CNTN4: variants seen among roughly 807,000 people sequenced by gnomAD.
CNTN4 encodes contactin 4.
CNTN4 carries 77 observed loss-of-function variants against 122.5 expected under a neutral mutation model. That is an observed-to-expected ratio of 0.63 (90% CI 0.52 to 0.76). The LOEUF is 0.76. Ranked by LOEUF, CNTN4 falls within the 30% of genes least tolerant of loss-of-function variation. The probability of loss-of-function intolerance (pLI) is 0.00; values close to 1 mark genes in which losing one functional copy is unlikely to be tolerated. For synonymous variants in CNTN4, 512 were observed against 447.0 expected (o/e 1.15, Z -1.83); for missense variants, 1,256 against 1,259.1 (o/e 1.00, Z 0.04).
chr3:2,414,471 ACT>A (rs540341533), intron 3 of CNTN4, among the ~76,000 whole-genome samples: 84 of 152,248 alleles, frequency 5.5e-4, no homozygotes, highest in Non-Finnish European at 1.0e-3. Context: ...ATGTAAAATG[ACT>A]CTCAATAAAA....
intron 2 of CNTN4, among the ~76,000 whole-genome samples, chr3:2,179,174 T>C (rs2036896527): frequency 6.6e-6 from 1 of 152,112 alleles, no homozygotes; most frequent in Non-Finnish European, 1.5e-5. Flanking sequence ...GTGGTAATTA[T>C]GTTGAGAGTA....
chr3:2,322,882 A>G (rs991732254), intron 2 of CNTN4, among the ~76,000 whole-genome samples: 7 of 152,144 alleles, frequency 4.6e-5, no homozygotes, highest in African/African-American at 1.7e-4. Context: ...CCTATTTAAC[A>G]TTCTAAGATC....
At position 2,732,706 on chromosome 3, in the gene CNTN4, G is replaced by A. The variant is rs78225119; in HGVS notation, c.56-3509G>A. The stretch of plus-strand genomic sequence containing the variant: ...TCTCACCCAGGCACCTCAAGGTTTT[G>A]GTGAAATAAAGCAGCTCTTTTTTCT... On this transcript the variant is annotated intron_variant, in intron 4 of 24. Transcript: ENST00000418658. Among the ~76,000 whole-genome samples the A allele has an allele frequency of 3.8e-3, 578 of 152,120 alleles. 8 individuals are homozygous for A. Among genetic ancestry groups the A allele is most frequent in the African/African-American group, 0.013 (545 of 41,486 alleles).
chr3:2,369,395 A>G (rs753263614), intron 3 of CNTN4, among the ~76,000 whole-genome samples: 1 of 152,224 alleles, frequency 6.6e-6, no homozygotes, highest in Non-Finnish European at 1.5e-5. Context: ...TTAAAACATC[A>G]TAGCCATTAT....
intron 14 of CNTN4, among the ~76,000 whole-genome samples, chr3:3,003,168 G>A (rs1300142397): frequency 5.9e-5 from 9 of 152,164 alleles, no homozygotes; most frequent in Non-Finnish European, 1.3e-4. Context: ...TGATTCCAAG[G>A]TGGTGCCTTC....
intron 2 of CNTN4, among the ~76,000 whole-genome samples, chr3:2,166,958 A>G (rs561407419): frequency 3.5e-4 from 53 of 152,218 alleles, no homozygotes; most frequent in Middle Eastern, 3.4e-3. Flanking sequence ...GAAAATATAA[A>G]CAAACAACTA....
At chr3:2,445,018 T>A (rs2048570681) in intron 3 of CNTN4, among the ~76,000 whole-genome samples, 1 of 143,958 alleles carries the variant, frequency 6.9e-6, no homozygotes, top group Non-Finnish European at 1.5e-5. Context: ...AAAAAATCTA[T>A]CTCTCTATCT....
At chr3:2,876,577 A>T (rs1156922307) in intron 8 of CNTN4, among the ~76,000 whole-genome samples, 1 of 152,184 alleles carries the variant, frequency 6.6e-6, no homozygotes, top group East Asian at 1.9e-4. Context: ...CAAAAATCTT[A>T]TGGCACGCAA....
Position 2,550,847 on chromosome 3 carries a change from A to G in CNTN4, c.-88-20569A>G, listed in dbSNP as rs769178292. On this transcript the variant is annotated intron_variant, in intron 3 of 24. Coordinates refer to ENST00000418658, the MANE Select transcript of CNTN4 (RefSeq NM_175607.3). ...CCATCATTCTCAGCCAACTAACACA[A>G]GAACAGAAAACCAAACACCACATGT... 2.4e-4 allele frequency among the ~76,000 whole-genome samples: 36 copies of G among 152,096 alleles called. 1 individual carries two copies. Among genetic ancestry groups the G allele is most frequent in the Non-Finnish European group, 4.4e-4 (30 of 68,010 alleles).
At chr3:2,626,512 A>C (rs962589851) in intron 4 of CNTN4, among the ~76,000 whole-genome samples, 1 of 151,940 alleles carries the variant, frequency 6.6e-6, no homozygotes, top group African/African-American at 2.4e-5. Context: ...AAAAACAACA[A>C]AAAACAAACA....
In CNTN4 at chr3:2,343,544, C is replaced by A. The variant is rs532171354; in HGVS notation, c.-89+4311C>A. 9.3e-4 allele frequency among the ~76,000 whole-genome samples: 142 copies of A among 152,262 alleles called. 1 individual carries two copies. The highest frequency in any genetic ancestry group is 3.4e-3 in the African/African-American group (141 of 41,544). On this transcript the variant is annotated intron_variant, in intron 3 of 24. Transcript: ENST00000418658. Reference sequence around the variant, plus strand: ...GTGTAACTAAGTAACCAGTGGGAAACCTCTAGAGGGTAAACCCCAGAAAAT... The same window carrying A: ...GTGTAACTAAGTAACCAGTGGGAAAACTCTAGAGGGTAAACCCCAGAAAAT...
chr3:2,898,944 C>T (rs1297379014), intron 10 of CNTN4, among the ~76,000 whole-genome samples: 1 of 152,162 alleles, frequency 6.6e-6, no homozygotes, highest in East Asian at 1.9e-4. Context: ...AGATAAAGAA[C>T]AAGGAAGACT....
At chr3:2,746,651 T>A (rs1396623472) in intron 6 of CNTN4, among the ~76,000 whole-genome samples, 1 of 152,226 alleles carries the variant, frequency 6.6e-6, no homozygotes, top group Non-Finnish European at 1.5e-5. Flanking sequence ...AATATTCTCA[T>A]TAACAAAATC....
chr3:2,581,843 A>G (rs1004632037), intron 4 of CNTN4, among the ~76,000 whole-genome samples: 1 of 152,232 alleles, frequency 6.6e-6, no homozygotes, highest in Admixed American at 6.5e-5. Context: ...TACTGATACT[A>G]CAACATGGAC....
At chr3:2,631,977 G>T (rs1362834153) in intron 4 of CNTN4, among the ~76,000 whole-genome samples, 1 of 151,732 alleles carries the variant, frequency 6.6e-6, no homozygotes, top group Non-Finnish European at 1.5e-5. Context: ...CTTGAGCAAA[G>T]GAGTTCAGGG....
intron 2 of CNTN4, among the ~76,000 whole-genome samples, chr3:2,314,099 T>C (rs998079160): frequency 6.6e-6 from 1 of 151,998 alleles, no homozygotes; most frequent in Non-Finnish European, 1.5e-5. Flanking sequence ...ACAATTAAAA[T>C]TGATAACAAC....
At chr3:2,781,983 A>T (rs377558129) in intron 6 of CNTN4, among the ~76,000 whole-genome samples, 2 of 151,246 alleles carry the variant, frequency 1.3e-5, no homozygotes, top group African/African-American at 4.9e-5. Flanking sequence ...TCGGCCTCCC[A>T]AAGTGCTGAG....
intron 2 of CNTN4, among the ~76,000 whole-genome samples, chr3:2,233,738 C>G (rs2039576383): frequency 6.6e-6 from 1 of 152,000 alleles, no homozygotes; most frequent in Non-Finnish European, 1.5e-5. Flanking sequence ...ACATGAAGGT[C>G]ATCTAGCTTA....
intron 14 of CNTN4, among the ~76,000 whole-genome samples, chr3:3,020,497 G>A (rs991707738): frequency 2.0e-5 from 3 of 152,170 alleles, no homozygotes; most frequent in African/African-American, 7.2e-5. Context: ...GAGGTGGCTC[G>A]GATTCATAGG....
Sources: gnomAD v4.1 joint callset for allele counts (sites outside exome capture counted in the v4.1 genomes callset) on GRCh38, gnomAD v4.1.1 for gene constraint, MANE v1.5 for transcripts, NCBI Gene and HGNC (gene_info 2026-07-23, HGNC 2026-07-21) for gene names.